The following NRXN3 variants were observed in gnomAD, a reference collection of about 807,000 sequenced individuals.
The protein encoded by NRXN3 is neurexin 3.
Under a neutral mutation model 137.6 loss-of-function variants are expected in NRXN3, and 32 were observed. That is an observed-to-expected ratio of 0.23 (90% CI 0.18 to 0.31). The LOEUF (loss-of-function observed/expected upper bound fraction) is 0.31, where lower values mean the gene tolerates loss of function less well. Ranked by LOEUF, NRXN3 falls within the 10% of genes least tolerant of loss-of-function variation. The pLI, the probability that NRXN3 is intolerant of heterozygous loss-of-function variation, is 1.00. For synonymous variants in NRXN3, 798 were observed against 784.5 expected (o/e 1.02, Z -0.29); for missense variants, 1,574 against 2,062.5 (o/e 0.76, Z 4.59).
At chr14:78,303,586 G>C (rs2077079377) in intron 4 of NRXN3, among the ~76,000 whole-genome samples, 1 of 152,064 alleles carries the variant, frequency 6.6e-6, no homozygotes, top group African/African-American at 2.4e-5. Context: ...TGCCTTCCCT[G>C]CTTTATTTTC....
chr14:78,578,951 A>T (rs999274582), intron 4 of NRXN3, among the ~76,000 whole-genome samples: 2 of 150,576 alleles, frequency 1.3e-5, no homozygotes, highest in African/African-American at 5.0e-5. Context: ...GCAGAAAAGA[A>T]AAAAGAAAAA....
At chr14:78,574,371 A>G (rs1331309342) in intron 4 of NRXN3, among the ~76,000 whole-genome samples, 1 of 152,208 alleles carries the variant, frequency 6.6e-6, no homozygotes, top group Non-Finnish European at 1.5e-5. Flanking sequence ...AGGTTACACC[A>G]TACACTTGGA....
intron 6 of NRXN3, among the ~76,000 whole-genome samples, chr14:78,652,189 C>T (rs890736168): frequency 5.3e-5 from 8 of 152,150 alleles, no homozygotes; most frequent in East Asian, 1.9e-4. Flanking sequence ...ATAGTTGAGA[C>T]GGAAGAAAAT....
At chr14:79,538,725 C>T (rs769450651) in intron 16 of NRXN3, among the ~76,000 whole-genome samples, 9 of 152,148 alleles carry the variant, frequency 5.9e-5, no homozygotes, top group Admixed American at 2.0e-4. Context: ...GTTTGCCAAT[C>T]GCAGCCACTT....
intron 15 of NRXN3, among the ~76,000 whole-genome samples, chr14:79,104,463 G>A (rs1352592039): frequency 6.6e-6 from 1 of 152,138 alleles, no homozygotes; most frequent in African/African-American, 2.4e-5. Context: ...TCTCTTCTAT[G>A]ATAAAGACTA....
intron 15 of NRXN3, among the ~76,000 whole-genome samples, chr14:79,392,667 G>A (rs1337965299): frequency 6.6e-6 from 1 of 152,032 alleles, no homozygotes; most frequent in African/African-American, 2.4e-5. Flanking sequence ...GTTAGGATGG[G>A]GATCATTAAA....
At chr14:78,771,325 T>G (rs1412568013) in intron 8 of NRXN3, among the ~76,000 whole-genome samples, 1 of 152,194 alleles carries the variant, frequency 6.6e-6, no homozygotes, top group Admixed American at 6.5e-5. Flanking sequence ...TCTAGGTGGT[T>G]CCCCAGTGGG....
chr14:79,620,835 G>GA (rs2098216047), intron 16 of NRXN3, among the ~76,000 whole-genome samples: 1 of 152,112 alleles, frequency 6.6e-6, no homozygotes, highest in African/African-American at 2.4e-5. Flanking sequence ...GGAAATACTT[G>GA]AAGTCTGGAG....
At chr14:79,055,661 A>C (rs1472937274) in intron 15 of NRXN3, among the ~76,000 whole-genome samples, 3 of 152,246 alleles carry the variant, frequency 2.0e-5, no homozygotes, top group East Asian at 3.8e-4. Flanking sequence ...TAATCTTAAT[A>C]GGAAAAACTA....
At chr14:79,372,609 T>C (rs1438932420) in intron 15 of NRXN3, among the ~76,000 whole-genome samples, 1 of 152,172 alleles carries the variant, frequency 6.6e-6, no homozygotes, top group Non-Finnish European at 1.5e-5. Context: ...CTCTTGATTG[T>C]CCATTTTCTT....
chr14:78,715,005 C>A lies in NRXN3; in HGVS notation c.1910C>A (p.Ser637Tyr), dbSNP rs1255803100. The change falls in exon 8 of 21, where the codon TCC becomes TAC. Residue 637 changes from serine (S) to tyrosine (Y), a missense_variant. This residue lies in a region of NRXN3 where 718 missense variants were observed against 887.6 expected (regional missense o/e 0.81). Transcript: ENST00000335750. ...ATGCAGAATGCTGCGGGTGTCAAGT[C>A]CTCCTGTTCACGGATGAGTGCCAAG... ...AEMQNAAGVKSSCSRMSAKQC... is the reference protein window; with the variant it reads ...AEMQNAAGVKYSCSRMSAKQC... The A allele has an allele frequency of 4.3e-6, 7 of 1,614,114 alleles. No homozygotes were observed.
At chr14:78,666,077 T>C (rs2097883634) in intron 6 of NRXN3, among the ~76,000 whole-genome samples, 1 of 152,156 alleles carries the variant, frequency 6.6e-6, no homozygotes, top group African/African-American at 2.4e-5. Flanking sequence ...TCTTGCAGTA[T>C]ATATCTATAT....
intron 15 of NRXN3, among the ~76,000 whole-genome samples, chr14:79,460,153 G>A (rs1173037238): frequency 6.6e-6 from 1 of 152,090 alleles, no homozygotes; most frequent in African/African-American, 2.4e-5. Context: ...CTTTCTGGGA[G>A]TTAAAGTATA....
At chr14:78,175,751 G>T (rs1198892345) in intron 1 of NRXN3, among the ~76,000 whole-genome samples, 3 of 152,156 alleles carry the variant, frequency 2.0e-5, no homozygotes, top group Non-Finnish European at 4.4e-5. Context: ...GCCCTTTCCT[G>T]CAGGTTGTTC....
Position 78,988,028 on chromosome 14 carries a change from G to A in NRXN3, c.3149G>A (p.Ser1050Asn). 6.2e-7 allele frequency: 1 copy of A among 1,613,584 alleles called. No homozygotes were observed. Among genetic ancestry groups the A allele is most frequent in the South Asian group, 1.1e-5 (1 of 91,040 alleles). The change falls in exon 15 of 21, where the codon AGT becomes AAT. Residue 1050 changes from serine to asparagine, a missense_variant. Physicochemically the swap from Ser to Asn is conservative, Grantham distance 46 (BLOSUM62 1). This residue lies in a region of NRXN3 where 718 missense variants were observed against 887.6 expected (regional missense o/e 0.81). Coordinates refer to ENST00000335750, the MANE Select transcript of NRXN3 (RefSeq NM_001330195.2). ...TCTTCTTGTGCATTACTAGGACCCA[G>A]TACCACCTGCCAGGAAGATTCATGT... ...GQIERGCEGPSTTCQEDSCAN... is the reference protein window; with the variant it reads ...GQIERGCEGPNTTCQEDSCAN...
At chr14:78,850,401 C>T (rs567451891) in intron 10 of NRXN3, among the ~76,000 whole-genome samples, 151 of 152,104 alleles carry the variant, frequency 9.9e-4, no homozygotes, top group Non-Finnish European at 1.9e-3. Context: ...TCAAGTTAGC[C>T]CAGGGGTTAA....
At chr14:78,174,867 C>A (rs545726957) in intron 1 of NRXN3, among the ~76,000 whole-genome samples, 1 of 152,062 alleles carries the variant, frequency 6.6e-6, no homozygotes, top group South Asian at 2.1e-4. Flanking sequence ...GACTGGTGGG[C>A]GGATACAGAT....
chr14:79,193,155 A>G (rs2064649113), intron 15 of NRXN3, among the ~76,000 whole-genome samples: 1 of 152,138 alleles, frequency 6.6e-6, no homozygotes, highest in African/African-American at 2.4e-5. Context: ...AAAAAAATTG[A>G]AAAAAATTGA....
chr14:79,606,156 A>G (rs2098012257), intron 16 of NRXN3, among the ~76,000 whole-genome samples: 1 of 152,196 alleles, frequency 6.6e-6, no homozygotes, highest in African/African-American at 2.4e-5. Context: ...ATAAATCTTC[A>G]TGATGAAATG....
Sources: allele counts gnomAD v4.1 joint callset (sites outside exome capture counted in the v4.1 genomes callset), GRCh38; gene constraint gnomAD v4.1.1; regional missense constraint gnomAD v4.1.1; transcripts MANE v1.5; gene names NCBI Gene and HGNC (gene_info 2026-07-23, HGNC 2026-07-21).